The following RYR3 variants were observed in gnomAD, a reference collection of about 807,000 sequenced individuals.
RYR3 encodes the protein ryanodine receptor 3.
Under a neutral mutation model 584.3 loss-of-function variants are expected in RYR3, and 207 were observed. The observed-to-expected ratio is 0.35, with a 90% CI of 0.32 to 0.40. RYR3 has a LOEUF of 0.40. Ranked by LOEUF, RYR3 falls within the 10% of genes least tolerant of loss-of-function variation. The probability of loss-of-function intolerance (pLI) is 1.00; values close to 1 mark genes in which losing one functional copy is unlikely to be tolerated. For missense variants in RYR3, 5,616 were observed against 6,089.2 expected, an observed-to-expected ratio of 0.92 and a Z score of 2.59; for synonymous variants, 2,416 against 2,248.5, an observed-to-expected ratio of 1.07 and a Z score of -2.11.
intron 51 of RYR3, among the ~76,000 whole-genome samples, chr15:33,741,088 T>C (rs2070046792): frequency 6.6e-6 from 1 of 152,258 alleles, no homozygotes; most frequent in Non-Finnish European, 1.5e-5. Context: ...GAAAACATTA[T>C]ACTCTAGCAA....
chr15:33,494,394 G>A (rs1437723637), intron 2 of RYR3, among the ~76,000 whole-genome samples: 1 of 152,098 alleles, frequency 6.6e-6, no homozygotes, highest in African/African-American at 2.4e-5. Flanking sequence ...GTAAACCTCA[G>A]GCCAGCACAG....
rs1223119083 is a variant in RYR3, at chr15:33,624,027, G to T, written c.2574+4G>T. ...ATGCCCCGTAGACACCAGTCAGGTA[G>T]GTTCAAATTGCCCGCAGAAGGCAAC... On this transcript the variant is annotated splice_donor_region_variant and intron_variant, in intron 20 of 103. Transcript: ENST00000634891. 1 of 1,608,328 alleles carries T rather than the reference G, an allele frequency of 6.2e-7. No homozygotes were observed. The highest frequency in any genetic ancestry group is 8.5e-7 in the Non-Finnish European group (1 of 1,175,586).
At chr15:33,663,414 C>A in intron 35 of RYR3, 123 bp from the exon 36 acceptor site, 2 of 783,184 alleles carry the variant, frequency 2.6e-6, no homozygotes, top group South Asian at 1.7e-5. Flanking sequence ...TGAGTAACAG[C>A]TTTATGGCTA....
chr15:33,814,887 C>T (rs556984177), intron 74 of RYR3, among the ~76,000 whole-genome samples: 35 of 114,902 alleles, frequency 3.0e-4, no homozygotes, highest in Admixed American at 8.6e-4. Flanking sequence ...GGCAACAGAA[C>T]AAGACTCTGT....
At chr15:33,468,260 G>C (rs953376438) in intron 1 of RYR3, among the ~76,000 whole-genome samples, 1 of 152,152 alleles carries the variant, frequency 6.6e-6, no homozygotes. Flanking sequence ...CATGGTGACT[G>C]GCCATTAAAT....
At position 33,788,332 on chromosome 15, in the gene RYR3, A is replaced by G. The variant is rs1165914107; in HGVS notation, c.9704A>G (p.Gln3235Arg). 6.2e-7 allele frequency: 1 copy of G among 1,613,880 alleles called. No homozygotes were observed. Among genetic ancestry groups the G allele is most frequent in the African/African-American group, 1.3e-5 (1 of 74,922 alleles). ...KAVKTVQEEE[Q>R]LKADGKGDTQ... ...GTCAAGACGGTGCAGGAGGAGGAGC[A>G]GTTGAAAGCCGATGGCAAAGGGGAC... is the stretch of plus-strand genomic sequence containing the variant. The change falls in exon 67 of 104, where the codon CAG becomes CGG. Residue 3235 changes from glutamine to arginine, a missense_variant. Physicochemically the swap from Gln to Arg is conservative, Grantham distance 43. Coordinates refer to ENST00000634891, the MANE Select transcript of RYR3 (RefSeq NM_001036.6).
intron 92 of RYR3, among the ~76,000 whole-genome samples, chr15:33,843,920 T>C (rs1596971890): frequency 1.3e-5 from 2 of 152,312 alleles, no homozygotes; most frequent in East Asian, 3.9e-4. Flanking sequence ...AGGAATAAGG[T>C]AACCAAGAGC....
chr15:33,319,612 G>A (rs1234763925), intron 1 of RYR3, among the ~76,000 whole-genome samples: 1 of 152,230 alleles, frequency 6.6e-6, no homozygotes, highest in African/African-American at 2.4e-5. Context: ...CAGAGGTAAA[G>A]CGTTTGCTAT....
chr15:33,434,944 A>G (rs1442841380), intron 1 of RYR3, among the ~76,000 whole-genome samples: 1 of 151,998 alleles, frequency 6.6e-6, no homozygotes, highest in Non-Finnish European at 1.5e-5. Context: ...CAGCCTCCCG[A>G]GTAGCTGGGA....
Position 33,400,501 on chromosome 15 carries a change from G to A in RYR3, c.52-72918G>A, listed in dbSNP as rs188222894. Among the ~76,000 whole-genome samples the A allele has an allele frequency of 4.6e-5, 7 of 152,310 alleles. No individual in the cohort carries two copies. The East Asian group carries it at 5.8e-4, about 13-fold the overall frequency. The stretch of plus-strand genomic sequence containing the variant: ...CTGGGGGAAAAGCAGGTGAGCTCCT[G>A]TGTGATTTCCCTATTTAGAGGTCTG... On this transcript the variant is annotated intron_variant, in intron 1 of 103. Transcript: ENST00000634891.
intron 47 of RYR3, among the ~76,000 whole-genome samples, chr15:33,730,501 T>C (rs1390609223): frequency 6.6e-6 from 1 of 152,246 alleles, no homozygotes; most frequent in Non-Finnish European, 1.5e-5. Flanking sequence ...TTACTGAAGT[T>C]TCTAGGAGAC....
intron 2 of RYR3, among the ~76,000 whole-genome samples, chr15:33,485,691 A>G (rs1045241933): frequency 6.6e-6 from 1 of 152,218 alleles, no homozygotes; most frequent in African/African-American, 2.4e-5. Context: ...GTTGAAGACC[A>G]CTTGAGGATG....
chr15:33,553,256 G>A (rs1365585766), intron 10 of RYR3, among the ~76,000 whole-genome samples: 1 of 152,180 alleles, frequency 6.6e-6, no homozygotes, highest in Admixed American at 6.5e-5. Flanking sequence ...ATGTGTTTTG[G>A]GAGGACACTG....
chr15:33,675,231 A>G (rs1459437503), intron 38 of RYR3, among the ~76,000 whole-genome samples: 1 of 152,238 alleles, frequency 6.6e-6, no homozygotes, highest in African/African-American at 2.4e-5. Flanking sequence ...TGTCCTGAGC[A>G]TTGTCTTGAG....
intron 31 of RYR3, among the ~76,000 whole-genome samples, chr15:33,649,917 A>G (rs2062364238): frequency 1.3e-5 from 2 of 152,174 alleles, no homozygotes; most frequent in African/African-American, 4.8e-5. Context: ...TTCCCTATAC[A>G]GCCATATGTA....
At chr15:33,335,323 A>G (rs2140729399) in intron 1 of RYR3, among the ~76,000 whole-genome samples, 1 of 152,382 alleles carries the variant, frequency 6.6e-6, no homozygotes, top group Admixed American at 6.5e-5. Flanking sequence ...TGCAGTACAT[A>G]TACACCATGG....
intron 2 of RYR3, among the ~76,000 whole-genome samples, chr15:33,475,166 A>G (rs2049268080): frequency 6.6e-6 from 1 of 152,186 alleles, no homozygotes; most frequent in Non-Finnish European, 1.5e-5. Context: ...TGACCGTGGG[A>G]CAAGTCAGTC....
At chr15:33,697,520 A>G (rs1265245099) in intron 39 of RYR3, among the ~76,000 whole-genome samples, 1 of 152,232 alleles carries the variant, frequency 6.6e-6, no homozygotes, top group African/African-American at 2.4e-5. Context: ...TGGATGACTT[A>G]AAGATGTAAT....
intron 49 of RYR3, 41 bp downstream of exon 49, chr15:33,736,366 A>C: frequency 7.2e-7 from 1 of 1,385,688 alleles, no homozygotes; most frequent in East Asian, 2.3e-5. Flanking sequence ...TCTATTGCAC[A>C]GGAAACTTGC....
Sources: gnomAD v4.1 joint callset for allele counts (sites outside exome capture counted in the v4.1 genomes callset) on GRCh38, gnomAD v4.1.1 for gene constraint, MANE v1.5 for transcripts, NCBI Gene and HGNC (gene_info 2026-07-23, HGNC 2026-07-21) for gene names.